The following SCRIB variants were observed in gnomAD, a reference collection of about 807,000 sequenced individuals.
SCRIB encodes protein scribble homolog.
A neutral mutation model predicts 170.0 loss-of-function variants in SCRIB; 72 were observed. The observed-to-expected ratio is 0.42, with a 90% CI of 0.35 to 0.52. The LOEUF (loss-of-function observed/expected upper bound fraction) is 0.52. SCRIB is among the 20% of genes least tolerant of loss of function. The pLI, the probability that SCRIB is intolerant of heterozygous loss-of-function variation, is 0.02. For missense variants in SCRIB, 2,475 were observed against 2,338.5 expected, an observed-to-expected ratio of 1.06 and a Z score of -1.20; for synonymous variants, 1,298 against 1,044.3, an observed-to-expected ratio of 1.24 and a Z score of -4.68.
At position 143,792,276 on chromosome 8, in the gene SCRIB, G is replaced by T; in HGVS notation, c.4458C>A (p.Ser1486=). 1 of 1,570,158 alleles carries T rather than the reference G, an allele frequency of 6.4e-7. No homozygotes were observed. ...PEPPAPERAL[S]PAELRALEAE... is the part of the protein sequence containing the mutation. The stretch of plus-strand genomic sequence containing the variant: ...CCTCCAGGGCCCGGAGCTCGGCAGG[G>T]GACAGGGCACGCTCGGGTGCCGGTG... The change falls in exon 32 of 37, where the codon TCC becomes TCA. Residue 1486 remains serine (S), a synonymous_variant. Transcript: ENST00000356994.
intron 21 of SCRIB, 120 bp downstream of exon 21, chr8:143,804,448 G>A (rs928857357): frequency 5.5e-6 from 6 of 1,082,260 alleles, no homozygotes; most frequent in Non-Finnish European, 6.4e-6. Flanking sequence ...CAGGGGAAAG[G>A]GCGAGCAGGC....
At chr8:143,807,152 G>A (rs1295488864) in intron 16 of SCRIB, 139 bp from the exon 17 acceptor site, 6 of 670,344 alleles carry the variant, frequency 9.0e-6, no homozygotes, top group Admixed American at 4.9e-5. Context: ...CCACTCACCA[G>A]CCAGGGCCAG....
chr8:143,801,064 C>T (rs561996941), intron 24 of SCRIB, among the ~76,000 whole-genome samples: 12 of 152,214 alleles, frequency 7.9e-5, no homozygotes, highest in Non-Finnish European at 1.6e-4. Flanking sequence ...GATTTAAATG[C>T]GTGGCATTGG....
In SCRIB at chr8:143,791,002, C is replaced by T. The variant is rs1228799187; in HGVS notation, c.*161G>A. On this transcript the variant is annotated 3_prime_UTR_variant, in exon 37 of 37. Coordinates refer to ENST00000356994, the MANE Select transcript of SCRIB (RefSeq NM_182706.5). Reference sequence around the variant, plus strand: ...GTACAAACATCACTAGTTACAGTCTCGCCGAGGTCTCGGCTGGGGTGGGGC... The same window carrying T: ...GTACAAACATCACTAGTTACAGTCTTGCCGAGGTCTCGGCTGGGGTGGGGC... 16 of 639,308 alleles carry T rather than the reference C, an allele frequency of 2.5e-5. No individual in the cohort carries two copies. Among genetic ancestry groups the T allele is most frequent in the Middle Eastern group, 4.6e-4 (1 of 2,196 alleles). 39.6% of individuals were successfully genotyped at this position (639,308 alleles called of 1,614,324 possible). A position where few individuals can be genotyped will look rare whatever the true frequency, so the allele number is the denominator to read the frequency against.
chr8:143,813,213 G>T, intron 6 of SCRIB, 98 bp downstream of exon 6: 1 of 1,588,442 alleles, frequency 6.3e-7, no homozygotes, highest in Non-Finnish European at 8.6e-7. Flanking sequence ...CTGCCCTCCC[G>T]AGGTGCCCCT....
chr8:143,802,201 G>A (rs1299427685), intron 24 of SCRIB, among the ~76,000 whole-genome samples: 4 of 152,354 alleles, frequency 2.6e-5, no homozygotes, highest in Admixed American at 1.3e-4. Flanking sequence ...GAGGGGACCC[G>A]GTGGGTGAGG....
Position 143,805,226 on chromosome 8 carries a change from C to G in SCRIB, c.2556G>C (p.Glu852Asp). Residue 852 changes from glutamate to aspartate, a missense_variant, in exon 19 of 37, where the codon GAG (glutamate) becomes GAC (aspartate). Physicochemically the swap from Glu to Asp is conservative, Grantham distance 45. Around this residue, in one of 3 missense-constraint regions of SCRIB, gnomAD observed 1,966 missense variants for 1,742.9 expected, o/e 1.13. Coordinates refer to ENST00000356994, the MANE Select transcript of SCRIB (RefSeq NM_182706.5). ...GGLRLPLLPP[E>D]SPGPLRQRHV... Reference sequence around the variant, plus strand: ...GGCGCTGACGGAGGGGCCCGGGGCTCTCAGGCGGGAGCAGGGGCAGGCGCA... The same window carrying G: ...GGCGCTGACGGAGGGGCCCGGGGCTGTCAGGCGGGAGCAGGGGCAGGCGCA... The G allele has an allele frequency of 6.4e-7, 1 of 1,550,822 alleles. No individual in the cohort carries two copies. The highest frequency in any genetic ancestry group is 8.7e-7 in the Non-Finnish European group (1 of 1,152,934).
Position 143,802,906 on chromosome 8 carries a change from G to A in SCRIB, c.3603+477C>T, listed in dbSNP as rs118114319. ...GTTCTCTGTTGAGGGGTCACCAGAG[G>A]GGCTCCCTGGAGTCATGGCCCAGGG... On this transcript the variant is annotated intron_variant, in intron 24 of 36. Transcript: ENST00000356994. Among the ~76,000 whole-genome samples, 229 of 152,298 alleles carry A rather than the reference G, an allele frequency of 1.5e-3. 6 individuals carry two copies. In the East Asian group the frequency reaches 0.041, roughly 27 times the overall value.
intron 1 of SCRIB, 152 bp downstream of exon 1, chr8:143,815,059 AGAG>A (rs1316114781): frequency 1.2e-6 from 1 of 846,072 alleles, no homozygotes; most frequent in Non-Finnish European, 1.7e-6. Context: ...GGCGGCTGGA[AGAG>A]AAGGGTGGGG....
intron 18 of SCRIB, 38 bp from the exon 19 acceptor site, chr8:143,805,473 T>G: frequency 6.9e-7 from 1 of 1,441,810 alleles, no homozygotes; most frequent in Non-Finnish European, 9.1e-7. Flanking sequence ...CAGGACCCAG[T>G]GCCGCCACAG....
chr8:143,797,332 T>G (rs1563791696), intron 24 of SCRIB, among the ~76,000 whole-genome samples: 1 of 152,086 alleles, frequency 6.6e-6, no homozygotes, highest in Non-Finnish European at 1.5e-5. Flanking sequence ...TGAGCCCACG[T>G]GAACAGGTAA....
chr8:143,810,427 A>G (rs1321059603), intron 13 of SCRIB, 52 bp downstream of exon 13: 6 of 1,589,610 alleles, frequency 3.8e-6, no homozygotes, highest in Non-Finnish European at 5.1e-6. Context: ...GGACCGGACC[A>G]CCACAGCTCC....
rs1345307089 is a variant in SCRIB at position 143,812,808 on chromosome 8, C to A, written c.787+9G>T. The A allele has an allele frequency of 6.3e-7, 1 of 1,596,586 alleles. No individual in the cohort carries two copies. Among genetic ancestry groups the A allele is most frequent in the Non-Finnish European group, 8.5e-7 (1 of 1,177,294 alleles). ...TGTGCCCCACCCAGGCACCCCCAGG[C>A]ACACTAACCGATGCCGTCGGGCAGC... On this transcript the variant is annotated intron_variant, in intron 8 of 36. Coordinates refer to ENST00000356994, the MANE Select transcript of SCRIB (RefSeq NM_182706.5).
chr8:143,791,896 TGGTCTGGGGGCCGA>T lies in SCRIB; in HGVS notation c.4661_4674del (p.Leu1554GlnfsTer15). ...CTCACCAGGCGTCCCGGGGAGGTGC[TGGTCTGGGGGCCGA>T]GGTCTGGGGGGACAAGAAGCGGGCA... On this transcript the variant is annotated frameshift_variant, in exon 34 of 37. Coordinates refer to ENST00000356994, the MANE Select transcript of SCRIB (RefSeq NM_182706.5). LOFTEE classifies it high-confidence loss of function. 2.7e-6 allele frequency: 4 copies of T among 1,470,300 alleles called. No homozygotes were observed. The highest frequency in any genetic ancestry group is 3.6e-6 in the Non-Finnish European group (4 of 1,110,470). 91.1% of individuals were successfully genotyped at this position (1,470,300 alleles called of 1,614,324 possible).
chr8:143,806,455 T>C lies in SCRIB; in HGVS notation c.2298A>G (p.Glu766=). ...GGACTCCAGCCCGGGCCGCAGGGCC[T>C]TCCTCGGACACCCGAGAGATGAATA... ...EGIFISRVSE[E]GPAARAGVRV... is the part of the protein sequence containing the mutation. Residue 766 remains glutamate (E), a synonymous_variant, in exon 18 of 37, where the codon GAA becomes GAG. Transcript: ENST00000356994. 1.9e-6 allele frequency: 3 copies of C among 1,604,976 alleles called. No individual in the cohort carries two copies. The highest frequency in any genetic ancestry group is 2.2e-5 in the East Asian group (1 of 44,536).
Position 143,808,686 on chromosome 8 carries a change from T to C in SCRIB, c.2038A>G (p.Asn680Asp). 6.5e-7 allele frequency: 1 copy of C among 1,546,226 alleles called. No individual in the cohort carries two copies. The highest frequency in any genetic ancestry group is 1.3e-5 in the South Asian group (1 of 78,436). Reference sequence around the variant, plus strand: ...CTGGCCTCTTCCTCTTCAGCCCTGTTTTCCTCCTCCTCCTCTTCCTCCTCC... The same window carrying C: ...CTGGCCTCTTCCTCTTCAGCCCTGTCTTCCTCCTCCTCCTCTTCCTCCTCC... ...QEEEEEEEEE[N>D]RAEEEEASTE... The change falls in exon 15 of 37, where the codon AAC becomes GAC. Residue 680 changes from asparagine (N) to aspartate (D), a missense_variant. By Grantham distance (23) the Asn-to-Asp change is conservative (BLOSUM62 1). Transcript: ENST00000356994.
rs754962645 is a variant in SCRIB, at chr8:143,807,566, T to C, written c.2164A>G (p.Ile722Val). 5.0e-6 allele frequency: 8 copies of C among 1,613,706 alleles called. No individual in the cohort carries two copies. Among genetic ancestry groups the C allele is most frequent in the Admixed American group, 1.7e-5 (1 of 59,992 alleles). The change falls in exon 16 of 37, where the codon ATT (isoleucine) becomes GTT (valine). Residue 722 changes from isoleucine to valine, a missense_variant. Ile to Val is a conservative substitution (Grantham distance 29). This residue lies in a region of SCRIB where 1,966 missense variants were observed against 1,742.9 expected (regional missense o/e 1.13). Coordinates refer to ENST00000356994, the MANE Select transcript of SCRIB (RefSeq NM_182706.5). ...ANNLLIEPAR[I>V]EEEELTLTIL... ...GCAGTACAGACCTCTTCCTCCTCAA[T>C]GCGAGCAGGCTCTATCAGCAGGTTA...
At chr8:143,807,044 G>C in intron 16 of SCRIB, 31 bp from the exon 17 acceptor site, 2 of 1,490,936 alleles carry the variant, frequency 1.3e-6, no homozygotes, top group Non-Finnish European at 1.9e-6. Context: ...GTGTCTAGAA[G>C]GGCCGCAGTG....
At chr8:143,799,156 T>C (rs1214378405) in intron 24 of SCRIB, among the ~76,000 whole-genome samples, 2 of 152,182 alleles carry the variant, frequency 1.3e-5, no homozygotes, top group Non-Finnish European at 2.9e-5. Context: ...TCTTCCTAGG[T>C]CTTTCCTGCA....
Sources: allele counts gnomAD v4.1 joint callset (sites outside exome capture counted in the v4.1 genomes callset), GRCh38; gene constraint gnomAD v4.1.1; regional missense constraint gnomAD v4.1.1; transcripts MANE v1.5; gene names NCBI Gene and HGNC (gene_info 2026-07-23, HGNC 2026-07-21).